Variants in PPP2R5E observed in about 807,000 individuals in gnomAD.
PPP2R5E encodes the protein serine/threonine-protein phosphatase 2A 56 kDa regulatory subunit epsilon isoform.
In PPP2R5E, 4 loss-of-function variants were observed where a neutral mutation model predicts 65.3. The observed-to-expected ratio is 0.06, with a 90% CI of 0.03 to 0.14. The LOEUF (loss-of-function observed/expected upper bound fraction) is 0.14. Among genes scored for constraint, PPP2R5E ranks in the 10% least tolerant of loss-of-function variants. The probability of loss-of-function intolerance (pLI) is 1.00; values close to 1 mark genes in which losing one functional copy is unlikely to be tolerated. For missense variants in PPP2R5E, 274 were observed against 556.1 expected (o/e 0.49, Z 5.10); for synonymous variants, 183 against 187.4 (o/e 0.98, Z 0.19).
At chr14:63,455,696 C>A (rs1024160437) in intron 2 of PPP2R5E, among the ~76,000 whole-genome samples, 2 of 152,176 alleles carry the variant, frequency 1.3e-5, no homozygotes, top group African/African-American at 4.8e-5. Flanking sequence ...ATGAGCATGA[C>A]TATATCCTTA....
chr14:63,465,227 C>A (rs1270962417), intron 2 of PPP2R5E, among the ~76,000 whole-genome samples: 1 of 151,992 alleles, frequency 6.6e-6, no homozygotes, highest in Non-Finnish European at 1.5e-5. Flanking sequence ...AAACTATCTT[C>A]TGTGCAGAAA....
At chr14:63,447,484 A>G (rs747298557) in intron 3 of PPP2R5E, among the ~76,000 whole-genome samples, 2 of 152,222 alleles carry the variant, frequency 1.3e-5, no homozygotes, top group Non-Finnish European at 2.9e-5. Flanking sequence ...GCCTTTATAC[A>G]ACTGAAGAGA....
At chr14:63,533,443 C>A (rs1893523784) in intron 2 of PPP2R5E, among the ~76,000 whole-genome samples, 3 of 151,874 alleles carry the variant, frequency 2.0e-5, no homozygotes, top group African/African-American at 7.3e-5. Context: ...TGCCTGTAAT[C>A]CCAGCTACTT....
intron 1 of PPP2R5E, among the ~76,000 whole-genome samples, chr14:63,541,658 C>T (rs971121474): frequency 6.6e-6 from 1 of 152,104 alleles, no homozygotes; most frequent in Admixed American, 6.6e-5. Flanking sequence ...TGGTTTTTAA[C>T]TTCTAAATAA....
At chr14:63,388,992 G>A (rs1308156536) in intron 11 of PPP2R5E, among the ~76,000 whole-genome samples, 4 of 152,142 alleles carry the variant, frequency 2.6e-5, no homozygotes, top group Non-Finnish European at 4.4e-5. Flanking sequence ...AAAGAAAAGT[G>A]TTGCCCCGAG....
intron 2 of PPP2R5E, among the ~76,000 whole-genome samples, chr14:63,469,115 T>A (rs1889983088): frequency 6.6e-6 from 1 of 152,192 alleles, no homozygotes; most frequent in Non-Finnish European, 1.5e-5. Context: ...CAGAACACTT[T>A]TTACATGCCA....
At chr14:63,522,753 G>T (rs1161801352) in intron 2 of PPP2R5E, among the ~76,000 whole-genome samples, 6 of 146,694 alleles carry the variant, frequency 4.1e-5, no homozygotes, top group Admixed American at 1.4e-4. Flanking sequence ...CCCGGAAGCC[G>T]CCCCGTCTGA....
chr14:63,484,347 T>TCACACACACACACA (rs199749451), intron 2 of PPP2R5E, among the ~76,000 whole-genome samples: 59 of 139,676 alleles, frequency 4.2e-4, no homozygotes, highest in Admixed American at 1.3e-3. Context: ...TCTCTCTCTC[T>TCACACACACACACA]CACACACACA....
At chr14:63,452,671 T>C (rs2139474781) in intron 3 of PPP2R5E, 1 of 152,382 alleles carries the variant, frequency 6.6e-6, no homozygotes, top group South Asian at 2.1e-4. Context: ...GGCATCGTTT[T>C]CAGATGACCT....
chr14:63,417,245 A>G (rs1392072606), intron 4 of PPP2R5E, among the ~76,000 whole-genome samples: 1 of 152,202 alleles, frequency 6.6e-6, no homozygotes, highest in East Asian at 1.9e-4. Flanking sequence ...TCTCAATTTT[A>G]TTTTTAAAAA....
At chr14:63,426,262 A>T (rs569594597) in intron 3 of PPP2R5E, among the ~76,000 whole-genome samples, 1 of 152,326 alleles carries the variant, frequency 6.6e-6, no homozygotes, top group African/African-American at 2.4e-5. Context: ...CTAATCCAAG[A>T]CAAGAGTGAA....
intron 3 of PPP2R5E, among the ~76,000 whole-genome samples, chr14:63,425,488 T>C (rs1362069098): frequency 6.6e-6 from 1 of 152,080 alleles, no homozygotes; most frequent in African/African-American, 2.4e-5. Flanking sequence ...TCCCAAGACA[T>C]GAAAGTAAAC....
intron 13 of PPP2R5E, among the ~76,000 whole-genome samples, chr14:63,376,521 G>C (rs950079506): frequency 1.3e-5 from 2 of 152,116 alleles, no homozygotes; most frequent in African/African-American, 4.8e-5. Context: ...GATCTGAAAA[G>C]AACTTGGTTG....
chr14:63,522,958 G>C (rs1224292379), intron 2 of PPP2R5E, among the ~76,000 whole-genome samples: 2 of 145,814 alleles, frequency 1.4e-5, no homozygotes, highest in Non-Finnish European at 3.0e-5. Flanking sequence ...GGAGGGAGGT[G>C]GGGGGGTCAG....
chr14:63,402,205 T>G (rs1885795019), intron 5 of PPP2R5E, among the ~76,000 whole-genome samples: 1 of 152,188 alleles, frequency 6.6e-6, no homozygotes, highest in Non-Finnish European at 1.5e-5. Flanking sequence ...AAGTCCCTTT[T>G]GGAAGAAACT....
At chr14:63,513,247 C>G (rs1270927542) in intron 2 of PPP2R5E, among the ~76,000 whole-genome samples, 1 of 152,072 alleles carries the variant, frequency 6.6e-6, no homozygotes, top group Non-Finnish European at 1.5e-5. Flanking sequence ...AAGAAAGGCC[C>G]CTCAGGATCA....
intron 5 of PPP2R5E, among the ~76,000 whole-genome samples, chr14:63,400,311 T>A (rs538740817): frequency 6.6e-6 from 1 of 152,220 alleles, no homozygotes; most frequent in Admixed American, 6.5e-5. Flanking sequence ...GGATGTTGTA[T>A]AAATACACAG....
intron 2 of PPP2R5E, among the ~76,000 whole-genome samples, chr14:63,516,305 C>A (rs1236312370): frequency 1.3e-5 from 2 of 152,084 alleles, no homozygotes; most frequent in African/African-American, 2.4e-5. Context: ...GTAATAACCA[C>A]AACTTCCCAT....
intron 5 of PPP2R5E, among the ~76,000 whole-genome samples, chr14:63,413,780 G>A (rs975923967): frequency 2.6e-5 from 4 of 152,082 alleles, no homozygotes; most frequent in South Asian, 2.1e-4. Flanking sequence ...CGTGATCCAC[G>A]TATCCATCTA....
Sources: allele counts gnomAD v4.1 joint callset (sites outside exome capture counted in the v4.1 genomes callset), GRCh38; gene constraint gnomAD v4.1.1; transcripts MANE v1.5; gene names NCBI Gene and HGNC (gene_info 2026-07-23, HGNC 2026-07-21).